The following NEK3 variants were observed in gnomAD, a reference collection of about 807,000 sequenced individuals.
NEK3 encodes NIMA related kinase 3.
In NEK3, 54 loss-of-function variants were observed where a neutral mutation model predicts 66.0. The observed-to-expected ratio is 0.82, with a 90% CI of 0.66 to 1.03. NEK3 has a LOEUF of 1.03. Among genes scored for constraint, NEK3 ranks in the 50% least tolerant of loss-of-function variants. The pLI, the probability that NEK3 is intolerant of heterozygous loss-of-function variation, is 0.00. For missense variants in NEK3, 593 were observed against 603.0 expected (o/e 0.98, Z 0.17); for synonymous variants, 200 against 206.2 (o/e 0.97, Z 0.26).
At chr13:52,133,646 C>CACACCCCCAA in intron 15 of NEK3, 43 bp downstream of exon 15, 2 of 1,538,492 alleles carry the variant, frequency 1.3e-6, no homozygotes. Context: ...CACACACACA[C>CACACCCCCAA]CCCCAACCCC....
intron 7 of NEK3, 83 bp from the exon 8 acceptor site, chr13:52,148,552 A>G: frequency 8.4e-7 from 1 of 1,193,540 alleles, no homozygotes; most frequent in Non-Finnish European, 1.2e-6. Flanking sequence ...TTTAATAAGA[A>G]TAGATATCAC....
In NEK3 at chr13:52,152,602, C is replaced by T; in HGVS notation, c.393+7G>A. On this transcript the variant is annotated splice_region_variant and intron_variant, in intron 5 of 15. Transcript: ENST00000610828. ...TTTTTTTAAGTCCAAAAATGTACTCCACTCACCTTGGACTTGATATCTCTG... is the reference window on the plus strand; with the variant it reads ...TTTTTTTAAGTCCAAAAATGTACTCTACTCACCTTGGACTTGATATCTCTG... 1 of 1,577,460 alleles carries T rather than the reference C, an allele frequency of 6.3e-7. No homozygotes were observed. Among genetic ancestry groups the T allele is most frequent in the Non-Finnish European group, 8.6e-7 (1 of 1,158,374 alleles).
Position 52,157,956 on chromosome 13 carries a change from C to A in NEK3, c.-58+1587G>T, listed in dbSNP as rs1956408766. Among the ~76,000 whole-genome samples, 3 of 152,250 alleles carry A rather than the reference C, an allele frequency of 2.0e-5. No individual in the cohort carries two copies. In the South Asian group the frequency reaches 6.2e-4, roughly 31 times the overall value. ...GCAATGGTGCGATCTCGGCTCACCG[C>A]AACCTCCACCTCCCAGGTTCAAGTG... On this transcript the variant is annotated intron_variant, in intron 1 of 15. Transcript: ENST00000610828.
At position 52,136,799 on chromosome 13, in the gene NEK3, C is replaced by T. The variant is rs757344288; in HGVS notation, c.1030+1G>A. 6 of 1,540,730 alleles carry T rather than the reference C, an allele frequency of 3.9e-6. No individual in the cohort carries two copies. The highest frequency in any genetic ancestry group is 3.6e-5 in the South Asian group (3 of 82,252). ...AAATGATTAGAATTTGAATAACTTA[C>T]CTTTTTCTTCTCTGTTTACTCTTCT... is the stretch of plus-strand genomic sequence containing the variant. On this transcript the variant is annotated splice_donor_variant, in intron 12 of 15. Coordinates refer to ENST00000610828, the MANE Select transcript of NEK3 (RefSeq NM_002498.3). LOFTEE classifies it high-confidence loss of function.
At chr13:52,133,364 T>C (rs1341706321) in intron 15 of NEK3, 138 bp from the exon 16 acceptor site, 2 of 721,104 alleles carry the variant, frequency 2.8e-6, no homozygotes, top group African/African-American at 1.8e-5. Context: ...AGGGAAAAAA[T>C]TGCCAGTTCT....
In NEK3 at chr13:52,153,881, A is replaced by C. The variant is rs897414957; in HGVS notation, c.309+14T>G. 1.3e-6 allele frequency: 2 copies of C among 1,566,700 alleles called. No homozygotes were observed. The highest frequency in any genetic ancestry group is 4.5e-5 in the East Asian group (2 of 44,542). ...TCTAAACCTTGAGAGAAACTATGTA[A>C]GTCAATCTCTTACCATGTCTTCAGG... is the stretch of plus-strand genomic sequence containing the variant. On this transcript the variant is annotated intron_variant, in intron 4 of 15. Coordinates refer to ENST00000610828, the MANE Select transcript of NEK3 (RefSeq NM_002498.3).
chr13:52,155,023 A>G (rs1385011842), intron 2 of NEK3, among the ~76,000 whole-genome samples: 1 of 151,932 alleles, frequency 6.6e-6, no homozygotes, highest in East Asian at 2.0e-4. Context: ...TTCTCAGACC[A>G]GCAACATCAG....
Position 52,144,694 on chromosome 13 carries a change from G to A in NEK3, c.801C>T (p.Pro267=), listed in dbSNP as rs550776910. 1.7e-5 allele frequency: 27 copies of A among 1,613,166 alleles called. No homozygotes were observed. Among genetic ancestry groups the A allele is most frequent in the East Asian group, 8.9e-5 (4 of 44,840 alleles). Residue 267 remains proline (P), a synonymous_variant, in exon 9 of 16, where the codon CCC becomes CCT. Coordinates refer to ENST00000610828, the MANE Select transcript of NEK3 (RefSeq NM_002498.3). ...ACCAATCCAACACAGATCATACCTC[G>A]GGGGGTAAGCACTTCTGGACAAGCC... ...VARLVQKCLP[P]EIIMEYGEEV... is the part of the protein sequence containing the mutation.
chr13:52,142,362 C>T (rs941552151), intron 10 of NEK3, among the ~76,000 whole-genome samples: 2 of 151,874 alleles, frequency 1.3e-5, no homozygotes, highest in Non-Finnish European at 1.5e-5. Flanking sequence ...CTGCAACCTC[C>T]ACCTCCCAGG....
chr13:52,158,379 C>T (rs932135913), intron 1 of NEK3, among the ~76,000 whole-genome samples: 4 of 152,140 alleles, frequency 2.6e-5, no homozygotes, highest in Admixed American at 1.3e-4. Context: ...GTCTTCGAAA[C>T]AATGTTTTTC....
Position 52,133,203 on chromosome 13 carries a change from T to C in NEK3, c.1460A>G (p.Asn487Ser). The C allele has an allele frequency of 6.2e-7, 1 of 1,609,006 alleles. No individual in the cohort carries two copies. The highest frequency in any genetic ancestry group is 8.5e-7 in the Non-Finnish European group (1 of 1,177,872). Residue 487 changes from asparagine (N) to serine (S), a missense_variant, in exon 16 of 16, where the codon AAC becomes AGC. By Grantham distance (46) the Asn-to-Ser change is conservative. Coordinates refer to ENST00000610828, the MANE Select transcript of NEK3 (RefSeq NM_002498.3). ...EDTDFEEEDD[N>S]PDWVSELKKR... ...CTTCAGCTCTGACACCCAGTCGGGG[T>C]TGTCATCTTCCTCCTCAAAGTCCCT...
chr13:52,141,480 TA>T (rs1956249597), intron 10 of NEK3, among the ~76,000 whole-genome samples: 1 of 152,210 alleles, frequency 6.6e-6, no homozygotes, highest in Admixed American at 6.5e-5. Context: ...AGCTGTTTAT[TA>T]ACTCAGAAGA....
At chr13:52,146,941 G>A (rs1956299950) in intron 8 of NEK3, among the ~76,000 whole-genome samples, 2 of 152,142 alleles carry the variant, frequency 1.3e-5, no homozygotes, top group Admixed American at 1.3e-4. Flanking sequence ...CCTTCAGCCT[G>A]TGCCCAAAGA....
intron 14 of NEK3, among the ~76,000 whole-genome samples, chr13:52,134,958 A>G (rs1161812614): frequency 6.6e-6 from 1 of 152,196 alleles, no homozygotes; most frequent in Non-Finnish European, 1.5e-5. Flanking sequence ...GGCATTCAAT[A>G]AATACTGACC....
chr13:52,138,485 G>A (rs1956222842), intron 11 of NEK3, among the ~76,000 whole-genome samples: 2 of 152,164 alleles, frequency 1.3e-5, no homozygotes, highest in Non-Finnish European at 1.5e-5. Flanking sequence ...AAAAAGTATA[G>A]AGGTCTGTAT....
intron 4 of NEK3, among the ~76,000 whole-genome samples, chr13:52,153,111 A>G (rs1956361107): frequency 6.6e-6 from 1 of 152,158 alleles, no homozygotes; most frequent in Non-Finnish European, 1.5e-5. Flanking sequence ...TCATTATATC[A>G]TAAATAATCC....
At chr13:52,144,055 AT>A in intron 9 of NEK3, 68 bp from the exon 10 acceptor site, 1 of 834,096 alleles carries the variant, frequency 1.2e-6, no homozygotes, top group Non-Finnish European at 1.9e-6. Context: ...CCGTGATGTC[AT>A]TTCATCATCA....
At chr13:52,155,869 G>A (rs1311125660) in intron 2 of NEK3, among the ~76,000 whole-genome samples, 1 of 151,738 alleles carries the variant, frequency 6.6e-6, no homozygotes, top group Non-Finnish European at 1.5e-5. Context: ...TTTTACTAGA[G>A]ACGGGTTTTC....
chr13:52,150,999 A>G, intron 7 of NEK3, 147 bp downstream of exon 7: 1 of 649,370 alleles, frequency 1.5e-6, no homozygotes, highest in Non-Finnish European at 2.7e-6. Flanking sequence ...TATAGATTCC[A>G]GATATATTTC....
Sources: allele counts gnomAD v4.1 joint callset (sites outside exome capture counted in the v4.1 genomes callset), GRCh38; gene constraint gnomAD v4.1.1; transcripts MANE v1.5; gene names NCBI Gene and HGNC (gene_info 2026-07-23, HGNC 2026-07-21).